The following SLC35B3 variants were observed in gnomAD, a reference collection of about 807,000 sequenced individuals.
SLC35B3 encodes the protein adenosine 3'-phospho 5'-phosphosulfate transporter 2.
A neutral mutation model predicts 44.1 loss-of-function variants in SLC35B3; 35 were observed. The ratio of observed to expected loss-of-function variants is 0.79; its 90% CI spans 0.61 to 1.05. The LOEUF is 1.05. Ranked by LOEUF, SLC35B3 falls within the 50% of genes least tolerant of loss-of-function variation. The pLI is 0.00. For missense variants in SLC35B3, 414 were observed against 476.4 expected (o/e 0.87, Z 1.22); for synonymous variants, 146 against 167.3 (o/e 0.87, Z 0.98).
At chr6:8,421,975 G>A (rs1207528825) in intron 5 of SLC35B3, among the ~76,000 whole-genome samples, 8 of 150,838 alleles carry the variant, frequency 5.3e-5, no homozygotes, top group African/African-American at 1.7e-4. Context: ...ACTGACTTCA[G>A]AAACTAAGGC....
chr6:8,416,980 A>T lies in SLC35B3; in HGVS notation c.889T>A (p.Tyr297Asn). 1 of 1,591,658 alleles carries T rather than the reference A, an allele frequency of 6.3e-7. No individual in the cohort carries two copies. Among genetic ancestry groups the T allele is most frequent in the East Asian group, 2.3e-5 (1 of 44,264 alleles). ...AGGGAAAAAAGGAACGCATAACCAT[A>T]GGTCCGAACTGGATTCTGCAAAAAA... The change falls in exon 9 of 11, where the codon TAT (tyrosine) becomes AAT (asparagine). Residue 297 changes from tyrosine to asparagine, a missense_variant. Coordinates refer to ENST00000644923, the MANE Select transcript of SLC35B3 (RefSeq NM_001370476.2).
Position 8,420,814 on chromosome 6 carries a change from CATT to C in SLC35B3, c.586_588del (p.Asn196del). The C allele has an allele frequency of 1.2e-6, 2 of 1,610,900 alleles. No individual in the cohort carries two copies. The highest frequency in any genetic ancestry group is 1.7e-6 in the Non-Finnish European group (2 of 1,177,870). On this transcript the variant is annotated inframe_deletion, in exon 6 of 11. Coordinates refer to ENST00000644923, the MANE Select transcript of SLC35B3 (RefSeq NM_001370476.2). This position sits in a 1 kb window ranked among gnomAD's most constrained non-coding sequence, Gnocchi z 4.4. ...CATATGGCAGCAGACACATCTGCAA[CATT>C]ATAACGCTTTCCTGTATAAAACAAA...
chr6:8,428,125 T>C, intron 3 of SLC35B3, 67 bp from the exon 3 acceptor site: 2 of 1,342,950 alleles, frequency 1.5e-6, no homozygotes, highest in Non-Finnish European at 1.9e-6. Flanking sequence ...AATAAATTCT[T>C]AGAAACACAA....
rs138901214 is a variant in SLC35B3, at chr6:8,434,636, T to A, written c.-43-206A>T. Among the ~76,000 whole-genome samples the A allele has an allele frequency of 5.1e-3, 775 of 152,254 alleles. 8 individuals carry two copies. The highest frequency in any genetic ancestry group is 0.017 in the African/African-American group (722 of 41,544). ...GTCTAAATTATTTTGAAATGCTGCC[T>A]CTCTTCCAAGTTCCAAACTATCTCA... On this transcript the variant is annotated intron_variant, in intron 1 of 10. Coordinates refer to ENST00000644923, the MANE Select transcript of SLC35B3 (RefSeq NM_001370476.2). The surrounding 1 kb of genome is among the most constrained non-coding windows in gnomAD (Gnocchi z 6.3).
At chr6:8,416,803 G>T in intron 9 of SLC35B3, 81 bp downstream of exon 8, 1 of 589,608 alleles carries the variant, frequency 1.7e-6, no homozygotes, top group Non-Finnish European at 2.9e-6. Flanking sequence ...TAAAGGAGAT[G>T]TTGCCCTTAT....
chr6:8,429,851 A>G lies in SLC35B3; in HGVS notation c.297+13T>C, dbSNP rs747400661. 6.6e-6 allele frequency: 10 copies of G among 1,510,972 alleles called. No individual in the cohort carries two copies. In the African/African-American group the frequency reaches 1.3e-4, roughly 19 times the overall value. 93.6% of individuals were successfully genotyped at this position (1,510,972 alleles called of 1,614,324 possible). A position where few individuals can be genotyped will look rare whatever the true frequency, so the allele number is the denominator to read the frequency against. On this transcript the variant is annotated intron_variant, in intron 3 of 10. Transcript: ENST00000644923. Reference sequence around the variant, plus strand: ...TAAATAATTAACATATTACAAACATATAACTTTTTTACCTGTAAATACCCA... The same window carrying G: ...TAAATAATTAACATATTACAAACATGTAACTTTTTTACCTGTAAATACCCA...
chr6:8,423,393 A>G (rs546269966), intron 4 of SLC35B3, among the ~76,000 whole-genome samples: 37 of 142,050 alleles, frequency 2.6e-4, no homozygotes, highest in African/African-American at 8.9e-4. Context: ...ATAATAATCA[A>G]CTTTTAAGAT....
rs1306002420 is a variant in SLC35B3, at chr6:8,422,478, A to C, written c.566T>G (p.Phe189Cys). The C allele has an allele frequency of 1.2e-6, 2 of 1,612,392 alleles. No homozygotes were observed. The highest frequency in any genetic ancestry group is 2.7e-5 in the African/African-American group (2 of 74,880). ...ACATATCATTACTATACCTTGAATA[A>C]AAACTCCTCCTAGCATAACAGGAAT... The change falls in exon 5 of 11, where the codon TTT becomes TGT. Residue 189 changes from phenylalanine (F) to cysteine (C), a missense_variant. Physicochemically the swap from Phe to Cys is radical, Grantham distance 205. Coordinates refer to ENST00000644923, the MANE Select transcript of SLC35B3 (RefSeq NM_001370476.2).
In SLC35B3 at chr6:8,413,499, A is replaced by G. The variant is rs1466449903; in HGVS notation, c.*50T>C. On this transcript the variant is annotated 3_prime_UTR_variant, in exon 11 of 11. Transcript: ENST00000644923. ...TATCAGTCCCTTTGGAAAGTTAATT[A>G]ATTGATGATTGTTCCCTTAAAATTC... 5 of 1,495,260 alleles carry G rather than the reference A, an allele frequency of 3.3e-6. No individual in the cohort carries two copies. The East Asian group carries it at 1.2e-4, about 35-fold the overall frequency. The allele number at this position is 1,495,260 out of a possible 1,614,324, so 92.6% of individuals were successfully genotyped here.
At position 8,434,403 on chromosome 6, in the gene SLC35B3, T is replaced by C. The variant is rs779891553; in HGVS notation, c.-16A>G. ...ATCTTACCATGCCATTATGCCTTGA[T>C]TAACTGCGCTCCGGAATCAATCATG... On this transcript the variant is annotated 5_prime_UTR_variant, in exon 2 of 11. Transcript: ENST00000644923. The surrounding 1 kb of genome is among the most constrained non-coding windows in gnomAD (Gnocchi z 6.3). The C allele has an allele frequency of 1.2e-6, 2 of 1,611,022 alleles. No individual in the cohort carries two copies. The highest frequency in any genetic ancestry group is 1.7e-6 in the Non-Finnish European group (2 of 1,177,546).
Position 8,411,941 on chromosome 6 carries a change from C to T in SLC35B3, c.*1608G>A, listed in dbSNP as rs1025867245. On this transcript the variant is annotated 3_prime_UTR_variant, in exon 11 of 11. Coordinates refer to ENST00000644923, the MANE Select transcript of SLC35B3 (RefSeq NM_001370476.2). ...AAGTGCCCAAATCTTTGAATTTAGACTCAAAACTATGCATGCAACATTCCT... is the reference window on the plus strand; with the variant it reads ...AAGTGCCCAAATCTTTGAATTTAGATTCAAAACTATGCATGCAACATTCCT... Among the ~76,000 whole-genome samples the T allele has an allele frequency of 6.6e-6, 1 of 152,146 alleles. No individual in the cohort carries two copies. Among genetic ancestry groups the T allele is most frequent in the Non-Finnish European group, 1.5e-5 (1 of 68,024 alleles).
intron 3 of SLC35B3, 77 bp from the exon 3 acceptor site, chr6:8,428,135 A>G (rs1763614531): frequency 7.6e-7 from 1 of 1,316,910 alleles, no homozygotes; most frequent in African/African-American, 1.5e-5. Context: ...TAGAAACACA[A>G]CATTTTTAAA....
At position 8,420,603 on chromosome 6, in the gene SLC35B3, T is replaced by C; in HGVS notation, c.682+118A>G. On this transcript the variant is annotated intron_variant, in intron 6 of 10. Coordinates refer to ENST00000644923, the MANE Select transcript of SLC35B3 (RefSeq NM_001370476.2). This position sits in a 1 kb window ranked among gnomAD's most constrained non-coding sequence, Gnocchi z 4.4. ...TTATATGGAAAGTCCAAAAGCTTTATGTTAGATATGAAAATTGCAGCTGTC... is the reference window on the plus strand; with the variant it reads ...TTATATGGAAAGTCCAAAAGCTTTACGTTAGATATGAAAATTGCAGCTGTC... 3.0e-6 allele frequency: 2 copies of C among 665,164 alleles called. No individual in the cohort carries two copies. The highest frequency in any genetic ancestry group is 2.7e-5 in the Admixed American group (1 of 37,012). The allele number at this position is 665,164 out of a possible 1,614,324, so 41.2% of individuals were successfully genotyped here. A position where few individuals can be genotyped will look rare whatever the true frequency, so the allele number is the denominator to read the frequency against.
chr6:8,417,555 G>T, intron 7 of SLC35B3, 61 bp from the exon 7 acceptor site: 1 of 942,228 alleles, frequency 1.1e-6, no homozygotes, highest in Non-Finnish European at 1.6e-6. Flanking sequence ...GAAGATTAAG[G>T]GTTTTAACTC....
At chr6:8,415,413 C>T (rs779158111) in intron 9 of SLC35B3, among the ~76,000 whole-genome samples, 6 of 152,120 alleles carry the variant, frequency 3.9e-5, no homozygotes, top group Non-Finnish European at 8.8e-5. Flanking sequence ...CCATTACAAT[C>T]TTCTTTACGC....
intron 2 of SLC35B3, 81 bp from the exon 2 acceptor site, chr6:8,430,238 GT>G: frequency 7.9e-7 from 1 of 1,273,366 alleles, no homozygotes; most frequent in Non-Finnish European, 1.1e-6. Context: ...ATACTTTAAA[GT>G]TATACAAATG....
chr6:8,417,276 T>C (rs775639102), intron 8 of SLC35B3, 126 bp downstream of exon 7: 2 of 655,128 alleles, frequency 3.1e-6, no homozygotes, highest in Non-Finnish European at 2.7e-6. Context: ...TAATTTCCGA[T>C]TGGCATGTTA....
rs1762839840 is a variant in SLC35B3, at chr6:8,420,971, G to C, written c.575-143C>G. ...AACACTTAGGTCAAGGCAGAAGACA[G>C]TCACAAGAGGGCTTCTGAAAACTAC... is the stretch of plus-strand genomic sequence containing the variant. On this transcript the variant is annotated intron_variant, in intron 5 of 10. Coordinates refer to ENST00000644923, the MANE Select transcript of SLC35B3 (RefSeq NM_001370476.2). The surrounding 1 kb of genome is among the most constrained non-coding windows in gnomAD (Gnocchi z 4.4). 1 of 516,458 alleles carries C rather than the reference G, an allele frequency of 1.9e-6. No homozygotes were observed. Among genetic ancestry groups the C allele is most frequent in the Non-Finnish European group, 3.4e-6 (1 of 290,068 alleles). 32.0% of individuals were successfully genotyped at this position (516,458 alleles called of 1,614,324 possible).
chr6:8,429,282 A>T (rs1258702791), intron 3 of SLC35B3, among the ~76,000 whole-genome samples: 1 of 151,228 alleles, frequency 6.6e-6, no homozygotes, highest in Admixed American at 6.5e-5. Flanking sequence ...TTTTCCAAAT[A>T]TAATGTAAAT....
Sources: gnomAD v4.1 joint callset for allele counts (sites outside exome capture counted in the v4.1 genomes callset) on GRCh38, gnomAD v4.1.1 for gene constraint, Gnocchi (gnomAD v3.1) non-coding constraint, MANE v1.5 for transcripts, NCBI Gene and HGNC (gene_info 2026-07-23, HGNC 2026-07-21) for gene names.